The following ZBTB20 variants were observed in gnomAD, a reference collection of about 807,000 sequenced individuals.
ZBTB20 encodes the protein zinc finger and BTB domain containing 20, also known as zinc finger and BTB domain-containing protein 20.
Under a neutral mutation model 56.9 loss-of-function variants are expected in ZBTB20, and 9 were observed. The observed-to-expected ratio is 0.16, with a 90% confidence interval of 0.10 to 0.28. ZBTB20 has a LOEUF of 0.28. Ranked by LOEUF, ZBTB20 falls within the 10% of genes least tolerant of loss-of-function variation. The pLI, the probability that ZBTB20 is intolerant of heterozygous loss-of-function variation, is 1.00. For synonymous variants in ZBTB20, 417 were observed against 420.7 expected (o/e 0.99, Z 0.11); for missense variants, 655 against 1,003.0 (o/e 0.65, Z 4.69).
intron 6 of ZBTB20, among the ~76,000 whole-genome samples, chr3:114,647,103 C>A (rs1287615335): frequency 6.6e-6 from 1 of 152,044 alleles, no homozygotes. Context: ...GGACCACAGG[C>A]ACCTGCCACC....
chr3:115,091,887 C>T lies in ZBTB20; in HGVS notation c.-702-20473G>A, dbSNP rs185709090. On this transcript the variant is annotated intron_variant, in intron 1 of 11. Coordinates refer to ENST00000675478, the MANE Select transcript of ZBTB20 (RefSeq NM_001348800.3). ...GCTCAAGGTTTAGTTGGAAGATGTG[C>T]TTACAAACAATGGCAATACAATGTG... is the stretch of plus-strand genomic sequence containing the variant. 1.8e-3 allele frequency among the ~76,000 whole-genome samples: 277 copies of T among 152,022 alleles called. 2 individuals are homozygous for T. Among genetic ancestry groups the T allele is most frequent in the Non-Finnish European group, 2.6e-3 (175 of 67,968 alleles).
rs6792869 is a variant in ZBTB20, at chr3:115,127,463, A to G, written c.-703+19756T>C. On this transcript the variant is annotated intron_variant, in intron 1 of 11. Coordinates refer to ENST00000675478, the MANE Select transcript of ZBTB20 (RefSeq NM_001348800.3). ...AAATTAGCCAGGCACGATGGCATACACCTATAATCCATCCCAGCTACTGGG... is the reference window on the plus strand; with the variant it reads ...AAATTAGCCAGGCACGATGGCATACGCCTATAATCCATCCCAGCTACTGGG... Among the ~76,000 whole-genome samples the G allele has an allele frequency of 6.6e-3, 1,006 of 152,146 alleles. 10 individuals are homozygous for G. Among genetic ancestry groups the G allele is most frequent in the African/African-American group, 0.022 (926 of 41,526 alleles).
At position 115,114,705 on chromosome 3, in the gene ZBTB20, G is replaced by A. The variant is rs552771584; in HGVS notation, c.-703+32514C>T. ...TTTGGCAAGAAAATCACATTGTAAT[G>A]AAAAGAATTACAAACATTCAATATG... On this transcript the variant is annotated intron_variant, in intron 1 of 11. Transcript: ENST00000675478. 1.3e-4 allele frequency among the ~76,000 whole-genome samples: 20 copies of A among 151,922 alleles called. No individual in the cohort carries two copies. The East Asian group carries it at 3.9e-3, about 29-fold the overall frequency.
At chr3:114,732,556 A>G (rs889348226) in intron 5 of ZBTB20, among the ~76,000 whole-genome samples, 1 of 152,172 alleles carries the variant, frequency 6.6e-6, no homozygotes, top group Non-Finnish European at 1.5e-5. Flanking sequence ...CACTTCTGGC[A>G]GTACTCCTGG....
At chr3:114,739,146 G>A (rs2066396450) in intron 5 of ZBTB20, among the ~76,000 whole-genome samples, 2 of 152,146 alleles carry the variant, frequency 1.3e-5, no homozygotes, top group Non-Finnish European at 2.9e-5. Context: ...TTTAAGAGGT[G>A]CTGCTATAAT....
chr3:115,117,966 C>T (rs1462872362), intron 1 of ZBTB20, among the ~76,000 whole-genome samples: 1 of 152,138 alleles, frequency 6.6e-6, no homozygotes, highest in Non-Finnish European at 1.5e-5. Flanking sequence ...CTTTTAAAGT[C>T]AAAGCCTGGA....
At position 114,394,727 on chromosome 3, in the gene ZBTB20, G is replaced by T. The variant is rs372342736; in HGVS notation, c.-254-5622C>A. Among the ~76,000 whole-genome samples, 95 of 152,206 alleles carry T rather than the reference G, an allele frequency of 6.2e-4. 1 individual carries two copies. The highest frequency in any genetic ancestry group is 2.2e-3 in the African/African-American group (90 of 41,518). ...TTCTGACACTCTCCTTTCTACTAGG[G>T]TTGTTTTTGAAGGAGCAGTTCAAGC... On this transcript the variant is annotated intron_variant, in intron 7 of 11. Coordinates refer to ENST00000675478, the MANE Select transcript of ZBTB20 (RefSeq NM_001348800.3).
chr3:114,451,208 A>AAG (rs1490430547), intron 7 of ZBTB20, among the ~76,000 whole-genome samples: 4 of 151,270 alleles, frequency 2.6e-5, no homozygotes, highest in Non-Finnish European at 4.4e-5. Context: ...AGGATGCCAA[A>AAG]AAAAAAAAAA....
intron 1 of ZBTB20, among the ~76,000 whole-genome samples, chr3:115,113,434 C>G (rs912741125): frequency 6.6e-6 from 1 of 152,190 alleles, no homozygotes; most frequent in African/African-American, 2.4e-5. Context: ...GGTATAAGAT[C>G]AAAGGCAAAG....
chr3:114,857,715 C>A (rs1455757014), intron 4 of ZBTB20, among the ~76,000 whole-genome samples: 1 of 152,194 alleles, frequency 6.6e-6, no homozygotes. Context: ...TATACAGAAT[C>A]AACTCAGTTG....
At chr3:114,705,324 C>A (rs1217210092) in intron 5 of ZBTB20, among the ~76,000 whole-genome samples, 1 of 152,142 alleles carries the variant, frequency 6.6e-6, no homozygotes, top group African/African-American at 2.4e-5. Context: ...TAAGTTACAT[C>A]CCTAGTATGC....
At chr3:114,695,164 C>T (rs542279569) in intron 5 of ZBTB20, among the ~76,000 whole-genome samples, 1 of 152,154 alleles carries the variant, frequency 6.6e-6, no homozygotes, top group South Asian at 2.1e-4. Context: ...CTACTGCCAA[C>T]AGCAATAAGA....
chr3:114,748,338 TTTCTTTCTTTCTTTTCTC>T (rs2067263852), intron 5 of ZBTB20, among the ~76,000 whole-genome samples: 5 of 59,576 alleles, frequency 8.4e-5, no homozygotes, highest in African/African-American at 2.6e-4. Context: ...TTCTTTCTTC[TTTCTTTCTTTCTTTTCTC>T]TCTCTCTCTC....
intron 4 of ZBTB20, among the ~76,000 whole-genome samples, chr3:114,854,499 T>C (rs1417724599): frequency 1.3e-5 from 2 of 152,204 alleles, no homozygotes; most frequent in Admixed American, 6.5e-5. Context: ...TGTATAGTTT[T>C]TGTCTTTGTT....
chr3:114,512,296 T>C (rs1165518896), intron 6 of ZBTB20, among the ~76,000 whole-genome samples: 4 of 131,742 alleles, frequency 3.0e-5, no homozygotes, highest in African/African-American at 1.0e-4. Context: ...TTGGTTAAGA[T>C]AGGGGAGAAT....
At chr3:114,806,090 AT>A (rs199779646) in intron 4 of ZBTB20, among the ~76,000 whole-genome samples, 3 of 151,558 alleles carry the variant, frequency 2.0e-5, no homozygotes, top group African/African-American at 7.3e-5. Context: ...GTGTGGACAT[AT>A]TTTTTTTCCT....
At chr3:114,988,114 T>G (rs923412985) in intron 2 of ZBTB20, among the ~76,000 whole-genome samples, 5 of 149,818 alleles carry the variant, frequency 3.3e-5, no homozygotes, top group African/African-American at 9.9e-5. Flanking sequence ...TTTTTAATTA[T>G]GCTTTAAGTT....
chr3:114,669,152 G>C (rs2061223687), intron 6 of ZBTB20, among the ~76,000 whole-genome samples: 1 of 151,984 alleles, frequency 6.6e-6, no homozygotes, highest in Non-Finnish European at 1.5e-5. Context: ...TGCTCCAATG[G>C]GGAGAGGTCA....
intron 11 of ZBTB20, among the ~76,000 whole-genome samples, chr3:114,349,027 C>A (rs2080419489): frequency 6.6e-6 from 1 of 151,844 alleles, no homozygotes; most frequent in African/African-American, 2.4e-5. Context: ...TGGTAAGACC[C>A]TGTCTCTACA....
Sources: allele counts gnomAD v4.1 joint callset (sites outside exome capture counted in the v4.1 genomes callset), GRCh38; gene constraint gnomAD v4.1.1; transcripts MANE v1.5; gene names NCBI Gene and HGNC (gene_info 2026-07-23, HGNC 2026-07-21).